Variants in HNRNPUL2 observed in about 807,000 individuals in gnomAD.
The protein encoded by HNRNPUL2 is heterogeneous nuclear ribonucleoprotein U-like protein 2.
In HNRNPUL2, 27 loss-of-function variants were observed where a neutral mutation model predicts 102.2. That is an observed-to-expected ratio of 0.26 (90% CI 0.19 to 0.36). The LOEUF is 0.36. HNRNPUL2 is among the 10% of genes least tolerant of loss of function. HNRNPUL2 has a pLI of 1.00. For missense variants in HNRNPUL2, 936 were observed against 981.1 expected (o/e 0.95, Z 0.61); for synonymous variants, 458 against 387.2 (o/e 1.18, Z -2.15).
chr11:62,724,497 C>A (rs777623945), intron 1 of HNRNPUL2, 71 bp from the exon 2 acceptor site: 2 of 1,532,422 alleles, frequency 1.3e-6, no homozygotes, highest in Admixed American at 1.7e-5. Flanking sequence ...AACTAATAGA[C>A]ACTAACAGGG....
At position 62,713,078 on chromosome 11, in the gene HNRNPUL2, C is replaced by T. The variant is rs1206616258; in HGVS notation, c.*2221G>A. The T allele has an allele frequency of 6.6e-6, 1 of 152,230 alleles. No individual in the cohort carries two copies. 9.4% of individuals were successfully genotyped at this position (152,230 alleles called of 1,614,324 possible). A position where few individuals can be genotyped will look rare whatever the true frequency, so the allele number is the denominator to read the frequency against. On this transcript the variant is annotated 3_prime_UTR_variant, in exon 14 of 14. Transcript: ENST00000301785. ...GGATGTGGCAGTTTCACTTTCCACC[C>T]ACCTAGAAAAACAGTTTTGTAAAAA...
At chr11:62,715,995 C>G in intron 11 of HNRNPUL2, 58 bp from the exon 12 acceptor site, 2 of 1,386,164 alleles carry the variant, frequency 1.4e-6, no homozygotes, top group East Asian at 2.4e-5. Flanking sequence ...GGCTCCACAT[C>G]TGGGTGGAAA....
intron 10 of HNRNPUL2, among the ~76,000 whole-genome samples, chr11:62,718,881 A>G (rs1220675016): frequency 3.3e-5 from 5 of 150,916 alleles, no homozygotes; most frequent in African/African-American, 1.2e-4. Context: ...GCTGGAGTGC[A>G]GTGGCACAAT....
Position 62,724,303 on chromosome 11 carries a change from G to A in HNRNPUL2, c.662C>T (p.Ala221Val). 6.2e-7 allele frequency: 1 copy of A among 1,614,166 alleles called. No individual in the cohort carries two copies. Among genetic ancestry groups the A allele is most frequent in the Non-Finnish European group, 8.5e-7 (1 of 1,180,034 alleles). ...CTGTTTCCCTCACCGGCTGTGGTAAGCCTCCTCTCGGAATTCATAGTAAGC... is the reference window on the plus strand; with the variant it reads ...CTGTTTCCCTCACCGGCTGTGGTAAACCTCCTCTCGGAATTCATAGTAAGC... ...GRAYYEFREE[A>V]YHSRSKSPLP... is the part of the protein sequence containing the mutation. Residue 221 changes from alanine (A) to valine (V), a missense_variant, in exon 2 of 14, where the codon GCT becomes GTT. Around this residue, in one of 2 missense-constraint regions of HNRNPUL2, gnomAD observed 609 missense variants for 713.0 expected, o/e 0.85. Coordinates refer to ENST00000301785, the MANE Select transcript of HNRNPUL2 (RefSeq NM_001079559.3).
Position 62,715,110 on chromosome 11 carries a change from C to T in HNRNPUL2, c.*189G>A, listed in dbSNP as rs2083648885. ...TTCAACAAACTTTAAAAAAAATGTA[C>T]AGTTTTGTTGTTTGTTTCCACCTCC... On this transcript the variant is annotated 3_prime_UTR_variant, in exon 14 of 14. Coordinates refer to ENST00000301785, the MANE Select transcript of HNRNPUL2 (RefSeq NM_001079559.3). The T allele has an allele frequency of 1.8e-6, 1 of 541,544 alleles. No individual in the cohort carries two copies. Among genetic ancestry groups the T allele is most frequent in the Non-Finnish European group, 3.3e-6 (1 of 304,150 alleles). The allele number at this position is 541,544 out of a possible 1,614,324, so 33.5% of individuals were successfully genotyped here.
rs753580483 is a variant in HNRNPUL2 at position 62,717,188 on chromosome 11, G to A, written c.1782C>T (p.Ala594=). The A allele has an allele frequency of 6.2e-7, 1 of 1,613,094 alleles. No homozygotes were observed. The highest frequency in any genetic ancestry group is 8.5e-7 in the Non-Finnish European group (1 of 1,179,524). ...VPESIMLEMK[A]NFSLPEKCDY... is the part of the protein sequence containing the mutation. ...CGCATTTTTCAGGCAAAGAGAAGTT[G>A]GCTATAAGAGTAAGAGAGAAGCTTG... Residue 594 remains alanine (A), a splice_region_variant and synonymous_variant, in exon 11 of 14, where the codon GCC becomes GCT. Coordinates refer to ENST00000301785, the MANE Select transcript of HNRNPUL2 (RefSeq NM_001079559.3).
Position 62,724,003 on chromosome 11 carries a change from G to A in HNRNPUL2, c.675-13C>T, listed in dbSNP as rs376113508. The A allele has an allele frequency of 1.2e-5, 19 of 1,602,298 alleles. No homozygotes were observed. Among genetic ancestry groups the A allele is most frequent in the Non-Finnish European group, 7.7e-6 (9 of 1,169,718 alleles). ...TGGAGACTTTGAGCTATATATGTAA[G>A]ATAGAAAAGAAACACAATGTAAACA... On this transcript the variant is annotated splice_polypyrimidine_tract_variant and intron_variant, in intron 2 of 13. Transcript: ENST00000301785.
Position 62,713,598 on chromosome 11 carries a change from T to C in HNRNPUL2, c.*1701A>G, listed in dbSNP as rs1229286852. The C allele has an allele frequency of 1.3e-5, 2 of 152,178 alleles. No homozygotes were observed. Among genetic ancestry groups the C allele is most frequent in the Non-Finnish European group, 2.9e-5 (2 of 68,060 alleles). The allele number at this position is 152,178 out of a possible 1,614,324, so 9.4% of individuals were successfully genotyped here. A position where few individuals can be genotyped will look rare whatever the true frequency, so the allele number is the denominator to read the frequency against. On this transcript the variant is annotated 3_prime_UTR_variant, in exon 14 of 14. Coordinates refer to ENST00000301785, the MANE Select transcript of HNRNPUL2 (RefSeq NM_001079559.3). ...GGTATTTGGGCGGAAGGGTGTGTCA[T>C]GACAGACAAGGACACTAGAGGCCAG...
Position 62,717,067 on chromosome 11 carries a change from G to C in HNRNPUL2, c.1903C>G (p.Pro635Ala), listed in dbSNP as rs1308764241. The C allele has an allele frequency of 4.3e-6, 7 of 1,614,042 alleles. No individual in the cohort carries two copies. The South Asian group carries it at 6.6e-5, about 15-fold the overall frequency. ...CGGCGATTTGTCCGCTTCTCGGAGG[G>C]GGGCAGAAGCTTCCTTGCCTCCTCC... ...YKEEARKLLP[P>A]SEKRTNRRNN... The change falls in exon 11 of 14, where the codon CCC becomes GCC. Residue 635 changes from proline to alanine, a missense_variant. Pro to Ala is a conservative substitution (Grantham distance 27, BLOSUM62 -1). This residue lies in a region of HNRNPUL2 where 609 missense variants were observed against 713.0 expected (regional missense o/e 0.85). Transcript: ENST00000301785.
At chr11:62,726,579 G>A (rs763811365) in intron 1 of HNRNPUL2, 40 bp downstream of exon 1, 4 of 1,482,770 alleles carry the variant, frequency 2.7e-6, no homozygotes, top group African/African-American at 2.8e-5. Flanking sequence ...CAGGGGCGCA[G>A]CCGGCAGGTT....
At chr11:62,720,354 T>A (rs950699731) in intron 9 of HNRNPUL2, among the ~76,000 whole-genome samples, 163 bp from the exon 10 acceptor site, 2 of 152,052 alleles carry the variant, frequency 1.3e-5, no homozygotes, top group Admixed American at 6.5e-5. Flanking sequence ...AAGACCAGCC[T>A]GGCCAACATG....
chr11:62,727,122 C>T lies in HNRNPUL2; in HGVS notation c.35G>A (p.Arg12Gln), dbSNP rs2083760435. The change falls in exon 1 of 14, where the codon CGG (arginine) becomes CAG (glutamine). Residue 12 changes from arginine to glutamine, a missense_variant. Physicochemically the swap from Arg to Gln is conservative, Grantham distance 43. Transcript: ENST00000301785. ...EVKRLKVTEL[R>Q]SELQRRGLDS... ...CAGGCCCCGCCGCTGCAGCTCCGACCGCAGCTCGGTCACTTTCAGCCGCTT... is the reference window on the plus strand; with the variant it reads ...CAGGCCCCGCCGCTGCAGCTCCGACTGCAGCTCGGTCACTTTCAGCCGCTT... 2.1e-6 allele frequency: 3 copies of T among 1,450,568 alleles called. No homozygotes were observed. The highest frequency in any genetic ancestry group is 2.7e-6 in the Non-Finnish European group (3 of 1,104,694). 89.9% of individuals were successfully genotyped at this position (1,450,568 alleles called of 1,614,324 possible). A position where few individuals can be genotyped will look rare whatever the true frequency, so the allele number is the denominator to read the frequency against.
chr11:62,718,182 G>T (rs938365058), intron 10 of HNRNPUL2, among the ~76,000 whole-genome samples: 1 of 151,682 alleles, frequency 6.6e-6, no homozygotes, highest in Non-Finnish European at 1.5e-5. Flanking sequence ...GGGATGTCAG[G>T]AACTAAAGGC....
In HNRNPUL2 at chr11:62,726,606, G is replaced by C; in HGVS notation, c.538+13C>G. The C allele has an allele frequency of 1.3e-6, 2 of 1,545,200 alleles. No individual in the cohort carries two copies. The highest frequency in any genetic ancestry group is 1.2e-5 in the South Asian group (1 of 83,554). Reference sequence around the variant, plus strand: ...CGGCAGGTTGGAGCCGGGCTCGGCTGCCAGCTCCTCACCCTGTTCCTCGGC... The same window carrying C: ...CGGCAGGTTGGAGCCGGGCTCGGCTCCCAGCTCCTCACCCTGTTCCTCGGC... On this transcript the variant is annotated intron_variant, in intron 1 of 13. Transcript: ENST00000301785.
At chr11:62,722,927 AT>A in intron 4 of HNRNPUL2, 24 bp from the exon 5 acceptor site, 1 of 1,593,682 alleles carries the variant, frequency 6.3e-7, no homozygotes, top group Non-Finnish European at 8.6e-7. Flanking sequence ...AAAGGGAACT[AT>A]TAGATATTGT....
chr11:62,721,856 A>G lies in HNRNPUL2; in HGVS notation c.1446T>C (p.Asn482=), dbSNP rs1447744071. 1.9e-6 allele frequency: 3 copies of G among 1,614,148 alleles called. No individual in the cohort carries two copies. Among genetic ancestry groups the G allele is most frequent in the African/African-American group, 1.3e-5 (1 of 75,030 alleles). The change falls in exon 8 of 14, where the codon AAT becomes AAC. Residue 482 remains asparagine (N), a synonymous_variant. Coordinates refer to ENST00000301785, the MANE Select transcript of HNRNPUL2 (RefSeq NM_001079559.3). ...TGAGCACAGTCTCAGCTCCCAGGAC[A>G]TTGTATCTTTTCTCAGGGTTTTCTT... ...YAKENPEKRY[N]VLGAETVLNQ... is the part of the protein sequence containing the mutation.
rs1293149228 is a variant in HNRNPUL2 at position 62,726,773 on chromosome 11, G to A, written c.384C>T (p.Ser128=). The change falls in exon 1 of 14, where the codon TCC becomes TCT. Residue 128 remains serine, a synonymous_variant. Coordinates refer to ENST00000301785, the MANE Select transcript of HNRNPUL2 (RefSeq NM_001079559.3). ...AMEAAAEPDA[S]EKPAEATAGS... ...CGGCCGTGGCCTCCGCCGGCTTCTCGGAAGCATCTGGCTCGGCCGCGGCCT... is the reference window on the plus strand; with the variant it reads ...CGGCCGTGGCCTCCGCCGGCTTCTCAGAAGCATCTGGCTCGGCCGCGGCCT... 10 of 1,600,710 alleles carry A rather than the reference G, an allele frequency of 6.2e-6. No individual in the cohort carries two copies. The highest frequency in any genetic ancestry group is 2.7e-5 in the African/African-American group (2 of 74,808).
At chr11:62,724,574 C>T (rs2083729779) in intron 1 of HNRNPUL2, 148 bp from the exon 2 acceptor site, 2 of 887,118 alleles carry the variant, frequency 2.3e-6, no homozygotes, top group South Asian at 1.9e-5. Context: ...CATTTTATTT[C>T]TAAAGATCAG....
intron 10 of HNRNPUL2, among the ~76,000 whole-genome samples, chr11:62,719,678 T>C (rs868613823): frequency 6.6e-6 from 1 of 152,240 alleles, no homozygotes; most frequent in African/African-American, 2.4e-5. Flanking sequence ...GTTTGAGTTA[T>C]GTCCCACCAA....
Sources: gnomAD v4.1 joint callset for allele counts (sites outside exome capture counted in the v4.1 genomes callset) on GRCh38, gnomAD v4.1.1 for gene constraint, gnomAD v4.1.1 regional missense constraint, MANE v1.5 for transcripts, NCBI Gene and HGNC (gene_info 2026-07-23, HGNC 2026-07-21) for gene names.